The following GCNT1 variants were observed in gnomAD, a reference collection of about 807,000 sequenced individuals.
GCNT1 encodes glucosaminyl (N-acetyl) transferase 1.
In GCNT1, 16 loss-of-function variants were observed where a neutral mutation model predicts 26.2. The observed-to-expected ratio is 0.61, with a 90% CI of 0.41 to 0.93. The LOEUF (loss-of-function observed/expected upper bound fraction) is 0.93, where lower values mean the gene tolerates loss of function less well. Ranked by LOEUF, GCNT1 falls within the 40% of genes least tolerant of loss-of-function variation. The pLI is 0.00. For missense variants in GCNT1, 477 were observed against 526.7 expected (o/e 0.91, Z 0.92); for synonymous variants, 183 against 190.8 (o/e 0.96, Z 0.34).
At chr9:76,403,274 A>G in the GCNT1 span, among the ~76,000 whole-genome samples, 1 of 152,234 alleles carries the variant, frequency 6.6e-6, no homozygotes, top group African/African-American at 2.4e-5. Flanking sequence ...ACTAATTTTT[A>G]AAAATCGATA....
upstream of GCNT1, among the ~76,000 whole-genome samples, chr9:76,457,303 C>T (rs1047079890): frequency 2.0e-5 from 3 of 152,204 alleles, no homozygotes; most frequent in African/African-American, 7.2e-5. Flanking sequence ...GGCCAGAGTG[C>T]AGTGGCACGA....
At chr9:76,424,659 T>C (rs1424953537) in intron 1 of GCNT1, among the ~76,000 whole-genome samples, 1 of 152,208 alleles carries the variant, frequency 6.6e-6, no homozygotes. Context: ...CTGAGTAATA[T>C]AAAACTGGAT....
chr9:76,482,890 G>A (rs996905119), intron 2 of GCNT1, among the ~76,000 whole-genome samples: 4 of 148,742 alleles, frequency 2.7e-5, no homozygotes, highest in African/African-American at 9.9e-5. Flanking sequence ...GGACTCAAGT[G>A]ATCCTCCTGC....
intron 1 of GCNT1, among the ~76,000 whole-genome samples, chr9:76,432,768 A>G (rs760691146): frequency 5.3e-5 from 8 of 152,228 alleles, no homozygotes; most frequent in Non-Finnish European, 1.0e-4. Context: ...AAGCCAAGCT[A>G]AAAGTCTTGC....
chr9:76,438,272 G>C (rs1823436006), upstream of GCNT1, among the ~76,000 whole-genome samples: 1 of 152,200 alleles, frequency 6.6e-6, no homozygotes, highest in South Asian at 2.1e-4. Context: ...AACTCAAAGG[G>C]AGGTGTGGGG....
intron 2 of GCNT1, among the ~76,000 whole-genome samples, chr9:76,482,804 C>G (rs913267453): frequency 8.1e-6 from 1 of 123,424 alleles, no homozygotes; most frequent in South Asian, 3.0e-4. Flanking sequence ...GCCACCACAC[C>G]GGGCTAATTT....
chr9:76,503,261 G>A lies in GCNT1; in HGVS notation c.880G>A (p.Glu294Lys), dbSNP rs1372380017. Residue 294 changes from glutamate (E) to lysine (K), a missense_variant, in exon 4 of 4, where the codon GAG becomes AAG. Transcript: ENST00000376730. Reference protein sequence around the residue: ...SGSAYFVVSREYVGYVLQNEK... With the variant: ...SGSAYFVVSRKYVGYVLQNEK... ...CAGTGCCTACTTCGTGGTCAGTAGG[G>A]AGTATGTGGGGTATGTACTACAGAA... 2.0e-5 allele frequency: 32 copies of A among 1,614,122 alleles called. No individual in the cohort carries two copies. Among genetic ancestry groups the A allele is most frequent in the Non-Finnish European group, 2.6e-5 (31 of 1,180,012 alleles).
chr9:76,398,629 C>T, the GCNT1 span: 17 of 863,446 alleles, frequency 2.0e-5, no homozygotes, highest in Admixed American at 6.1e-5. Context: ...TTGCTTTCCG[C>T]GCTACCTACA....
At chr9:76,485,879 T>C (rs785914) in intron 2 of GCNT1, among the ~76,000 whole-genome samples, 124,438 of 152,176 alleles carry the variant, frequency 0.82, 51,456 homozygotes, top group African/African-American at 0.93. Flanking sequence ...ATTACAGGTG[T>C]GCGCCACCAC....
rs1825116480 is a variant in GCNT1, at chr9:76,502,770, A to G, written c.389A>G (p.His130Arg). The part of the protein sequence containing the change: ...EFPIAYSIVV[H>R]HKIEMLDRLL... ...CCAATAGCATATTCTATAGTGGTTC[A>G]TCACAAGATTGAAATGCTTGACAGG... Residue 130 changes from histidine to arginine, a missense_variant, in exon 4 of 4, where the codon CAT becomes CGT. Coordinates refer to ENST00000376730, the MANE Select transcript of GCNT1 (RefSeq NM_001490.5). 6.2e-7 allele frequency: 1 copy of G among 1,614,108 alleles called. No individual in the cohort carries two copies. The highest frequency in any genetic ancestry group is 1.1e-5 in the South Asian group (1 of 91,090).
intron 2 of GCNT1, among the ~76,000 whole-genome samples, chr9:76,484,989 A>G (rs1048698472): frequency 1.3e-5 from 2 of 151,842 alleles, no homozygotes; most frequent in Non-Finnish European, 2.9e-5. Flanking sequence ...GGGTTTCACC[A>G]TGTTGGCCAG....
chr9:76,504,612 T>A lies in GCNT1; in HGVS notation c.*944T>A, dbSNP rs912363312. On this transcript the variant is annotated 3_prime_UTR_variant, in exon 4 of 4. Transcript: ENST00000376730. ...GGAGTGGGAGGGGGGAGAAAAGGAA[T>A]GTATTTAAACAATTTCCGATGCCCA... 1 of 411,650 alleles carries A rather than the reference T, an allele frequency of 2.4e-6. No homozygotes were observed. Among genetic ancestry groups the A allele is most frequent in the African/African-American group, 2.1e-5 (1 of 48,590 alleles). The allele number at this position is 411,650 out of a possible 1,614,324, so 25.5% of individuals were successfully genotyped here.
At chr9:76,413,455 A>G in the GCNT1 span, among the ~76,000 whole-genome samples, 1 of 152,242 alleles carries the variant, frequency 6.6e-6, no homozygotes, top group Admixed American at 6.5e-5. Flanking sequence ...CTCCAGAAAG[A>G]GACCTTAAGA....
chr9:76,498,746 G>A (rs1437135403), intron 2 of GCNT1, among the ~76,000 whole-genome samples: 8 of 147,200 alleles, frequency 5.4e-5, no homozygotes, highest in African/African-American at 1.8e-4. Flanking sequence ...GCACTCCAGC[G>A]TGGGCAACAA....
the GCNT1 span, among the ~76,000 whole-genome samples, chr9:76,406,734 C>G: frequency 0.34 from 50,936 of 151,572 alleles, 9,076 homozygotes; most frequent in Middle Eastern, 0.4. Flanking sequence ...TGTTCACTTT[C>G]TTCTTGTAGA....
At position 76,474,479 on chromosome 9, in the gene GCNT1, C is replaced by T. The variant is rs564184762; in HGVS notation, c.-290+14302C>T. ...TATAACAGTATAATTTGGAAATACC[C>T]TTAATATCCAACCATAAGATAAACT... On this transcript the variant is annotated intron_variant, in intron 2 of 3. Transcript: ENST00000376730. Among the ~76,000 whole-genome samples the T allele has an allele frequency of 2.0e-5, 3 of 152,208 alleles. No individual in the cohort carries two copies. In the East Asian group the frequency reaches 5.8e-4, roughly 29 times the overall value.
intron 1 of GCNT1, among the ~76,000 whole-genome samples, chr9:76,430,071 G>T (rs1167883448): frequency 6.6e-6 from 1 of 152,158 alleles, no homozygotes; most frequent in African/African-American, 2.4e-5. Flanking sequence ...CAAGGCACAT[G>T]ACCAAGCTCA....
At position 76,503,692 on chromosome 9, in the gene GCNT1, A is replaced by C; in HGVS notation, c.*24A>C. 1 of 1,566,094 alleles carries C rather than the reference A, an allele frequency of 6.4e-7. No individual in the cohort carries two copies. Among genetic ancestry groups the C allele is most frequent in the Non-Finnish European group, 8.8e-7 (1 of 1,139,476 alleles). On this transcript the variant is annotated 3_prime_UTR_variant, in exon 4 of 4. Coordinates refer to ENST00000376730, the MANE Select transcript of GCNT1 (RefSeq NM_001490.5). ...GACCATTACGGGCAATTTTATGAAC[A>C]AGAAGAAGGATACACAAAACGTACC...
At chr9:76,427,834 A>G (rs1425836883) in intron 1 of GCNT1, among the ~76,000 whole-genome samples, 1 of 152,130 alleles carries the variant, frequency 6.6e-6, no homozygotes, top group East Asian at 1.9e-4. Context: ...TAAAAGCACA[A>G]AAATCAGCGT....
Sources: gnomAD v4.1 joint callset for allele counts (sites outside exome capture counted in the v4.1 genomes callset) on GRCh38, gnomAD v4.1.1 for gene constraint, MANE v1.5 for transcripts, NCBI Gene and HGNC (gene_info 2026-07-23, HGNC 2026-07-21) for gene names.